The following SLC10A7 variants were observed in gnomAD, a reference collection of about 807,000 sequenced individuals.
SLC10A7 encodes solute carrier family 10 member 7.
In SLC10A7, 29 loss-of-function variants were observed where a neutral mutation model predicts 43.2. The ratio of observed to expected loss-of-function variants is 0.67; its 90% CI spans 0.50 to 0.92. SLC10A7 has a LOEUF of 0.92. SLC10A7 is among the 40% of genes least tolerant of loss of function. The probability of loss-of-function intolerance (pLI) is 0.00; values close to 1 mark genes in which losing one functional copy is unlikely to be tolerated. For synonymous variants in SLC10A7, 152 were observed against 144.8 expected (o/e 1.05, Z -0.35); for missense variants, 295 against 403.2 (o/e 0.73, Z 2.30).
chr4:146,440,102 T>C (rs780849255), intron 5 of SLC10A7, among the ~76,000 whole-genome samples: 20 of 152,136 alleles, frequency 1.3e-4, no homozygotes, highest in Non-Finnish European at 2.9e-4. Context: ...ATTTTCCTCT[T>C]CTTTCTTAGT....
chr4:146,510,817 C>T (rs1403180526), intron 2 of SLC10A7, among the ~76,000 whole-genome samples: 1 of 152,142 alleles, frequency 6.6e-6, no homozygotes, highest in Non-Finnish European at 1.5e-5. Context: ...GCTATAAGTC[C>T]TCAATTTGGC....
intron 6 of SLC10A7, among the ~76,000 whole-genome samples, chr4:146,314,656 T>C (rs995505984): frequency 6.6e-6 from 1 of 152,104 alleles, no homozygotes; most frequent in African/African-American, 2.4e-5. Context: ...TATATGAAGA[T>C]GGTGTCATCT....
intron 5 of SLC10A7, 87 bp from the exon 6 acceptor site, chr4:146,326,083 G>A: frequency 1.8e-6 from 2 of 1,129,306 alleles, no homozygotes; most frequent in Non-Finnish European, 1.3e-6. Context: ...AGGCATAGGA[G>A]TGCTTATCTT....
At chr4:146,439,536 G>C (rs997189607) in intron 5 of SLC10A7, among the ~76,000 whole-genome samples, 1 of 152,040 alleles carries the variant, frequency 6.6e-6, no homozygotes, top group Admixed American at 6.6e-5. Flanking sequence ...AGCTTAGTCA[G>C]AGATAACCAA....
intron 4 of SLC10A7, among the ~76,000 whole-genome samples, chr4:146,490,432 T>C (rs552030625): frequency 6.6e-6 from 1 of 152,318 alleles, no homozygotes; most frequent in East Asian, 1.9e-4. Flanking sequence ...TACTCTATCA[T>C]GCATTTAAAC....
intron 4 of SLC10A7, among the ~76,000 whole-genome samples, chr4:146,482,246 G>T (rs1479053822): frequency 6.6e-6 from 1 of 152,108 alleles, no homozygotes; most frequent in Non-Finnish European, 1.5e-5. Context: ...GGAACTAAAT[G>T]ATTCTCTAGT....
intron 5 of SLC10A7, among the ~76,000 whole-genome samples, chr4:146,326,973 A>AAGAG (rs33979046): frequency 6.7e-6 from 1 of 149,246 alleles, no homozygotes; most frequent in Non-Finnish European, 1.5e-5. Context: ...CACACAGAAA[A>AAGAG]AGAGAGAGAG....
At chr4:146,452,920 C>T (rs923460364) in intron 4 of SLC10A7, among the ~76,000 whole-genome samples, 2 of 151,858 alleles carry the variant, frequency 1.3e-5, no homozygotes, top group Non-Finnish European at 2.9e-5. Flanking sequence ...AAAGCATTCA[C>T]CAATTTAAAG....
intron 5 of SLC10A7, among the ~76,000 whole-genome samples, chr4:146,340,441 C>A (rs1734182225): frequency 6.6e-6 from 1 of 151,264 alleles, no homozygotes; most frequent in East Asian, 1.9e-4. Flanking sequence ...GACCCAGGCT[C>A]TAGCAAAAAT....
chr4:146,319,952 A>G (rs1732585160), intron 6 of SLC10A7, among the ~76,000 whole-genome samples: 1 of 152,120 alleles, frequency 6.6e-6, no homozygotes, highest in South Asian at 2.1e-4. Context: ...AAGGCGAAGA[A>G]TATGGCTACA....
intron 7 of SLC10A7, among the ~76,000 whole-genome samples, chr4:146,300,240 T>C (rs1731071279): frequency 6.6e-6 from 1 of 152,170 alleles, no homozygotes; most frequent in Non-Finnish European, 1.5e-5. Flanking sequence ...ATGGTGGCTA[T>C]GAAGTGGGCT....
At chr4:146,294,477 G>A (rs1730646688) in intron 7 of SLC10A7, among the ~76,000 whole-genome samples, 1 of 152,094 alleles carries the variant, frequency 6.6e-6, no homozygotes, top group African/African-American at 2.4e-5. Flanking sequence ...AATTCCAAGT[G>A]CAACTTTGGG....
intron 4 of SLC10A7, among the ~76,000 whole-genome samples, chr4:146,471,163 T>C (rs1169792966): frequency 6.6e-6 from 1 of 152,138 alleles, no homozygotes; most frequent in Non-Finnish European, 1.5e-5. Flanking sequence ...AAATCCAAAA[T>C]CCAAAATGCA....
At chr4:146,452,965 A>G (rs1270299025) in intron 4 of SLC10A7, among the ~76,000 whole-genome samples, 2 of 151,934 alleles carry the variant, frequency 1.3e-5, no homozygotes, top group Non-Finnish European at 2.9e-5. Flanking sequence ...TTAAAATATT[A>G]CAGGAATTAA....
chr4:146,513,322 C>T (rs968545643), intron 2 of SLC10A7, among the ~76,000 whole-genome samples: 3 of 151,978 alleles, frequency 2.0e-5, no homozygotes, highest in African/African-American at 7.2e-5. Context: ...GATAAGATTA[C>T]ATGTGTGTAT....
chr4:146,418,721 C>T (rs1224854416), intron 5 of SLC10A7, among the ~76,000 whole-genome samples: 5 of 152,146 alleles, frequency 3.3e-5, no homozygotes, highest in African/African-American at 1.2e-4. Flanking sequence ...AAGCAATTCT[C>T]CAACTGGATG....
intron 2 of SLC10A7, among the ~76,000 whole-genome samples, chr4:146,510,505 C>T (rs951585360): frequency 2.0e-5 from 3 of 152,010 alleles, no homozygotes; most frequent in Non-Finnish European, 2.9e-5. Context: ...ATGATCTGCC[C>T]CCCTCAGCTT....
intron 5 of SLC10A7, among the ~76,000 whole-genome samples, chr4:146,363,671 A>G (rs1262817199): frequency 6.6e-6 from 1 of 152,196 alleles, no homozygotes; most frequent in Non-Finnish European, 1.5e-5. Context: ...ACCACAATGG[A>G]ATAAAACTAG....
chr4:146,408,550 G>C, intron 5 of SLC10A7: 1 of 152,252 alleles, frequency 6.6e-6, no homozygotes. Flanking sequence ...CAACAGCTAA[G>C]AATAATGGAG....
Sources: allele counts gnomAD v4.1 joint callset (sites outside exome capture counted in the v4.1 genomes callset), GRCh38; gene constraint gnomAD v4.1.1; transcripts MANE v1.5; gene names NCBI Gene and HGNC (gene_info 2026-07-23, HGNC 2026-07-21).